Variants in SLC10A7 observed in about 807,000 individuals in gnomAD.
SLC10A7 encodes sodium/bile acid cotransporter 7.
SLC10A7 carries 29 observed loss-of-function variants against 43.2 expected under a neutral mutation model. That is an observed-to-expected ratio of 0.67 (90% CI 0.50 to 0.92). SLC10A7 has a LOEUF of 0.92. Among genes scored for constraint, SLC10A7 ranks in the 40% least tolerant of loss-of-function variants. The probability of loss-of-function intolerance (pLI) is 0.00; values close to 1 mark genes in which losing one functional copy is unlikely to be tolerated. For missense variants in SLC10A7, 295 were observed against 403.2 expected, an observed-to-expected ratio of 0.73 and a Z score of 2.30; for synonymous variants, 152 against 144.8, an observed-to-expected ratio of 1.05 and a Z score of -0.35.
At chr4:146,321,948 G>C (rs1263501625) in intron 6 of SLC10A7, among the ~76,000 whole-genome samples, 1 of 152,166 alleles carries the variant, frequency 6.6e-6, no homozygotes, top group Non-Finnish European at 1.5e-5. Flanking sequence ...AATACCATAA[G>C]TATCTAATGA....
At chr4:146,431,317 A>G (rs1447862297) in intron 5 of SLC10A7, among the ~76,000 whole-genome samples, 1 of 152,192 alleles carries the variant, frequency 6.6e-6, no homozygotes, top group Non-Finnish European at 1.5e-5. Flanking sequence ...AAAGCAACAA[A>G]CAGAAATTGA....
intron 4 of SLC10A7, among the ~76,000 whole-genome samples, chr4:146,479,552 G>C (rs1284304336): frequency 2.0e-5 from 3 of 152,104 alleles, no homozygotes; most frequent in African/African-American, 7.2e-5. Flanking sequence ...TTTATATGAG[G>C]TTTCTAGAAT....
intron 4 of SLC10A7, among the ~76,000 whole-genome samples, chr4:146,495,419 T>C (rs1319506902): frequency 6.6e-6 from 1 of 152,190 alleles, no homozygotes; most frequent in East Asian, 1.9e-4. Flanking sequence ...CTTATCTTAA[T>C]GCATTGGATT....
At chr4:146,451,244 A>AAAC (rs1553975826) in intron 4 of SLC10A7, among the ~76,000 whole-genome samples, 5 of 149,088 alleles carry the variant, frequency 3.4e-5, no homozygotes, top group South Asian at 4.2e-4. Context: ...AAAAAAAAAA[A>AAAC]AAAAAACAAA....
chr4:146,304,001 C>A (rs2149678682), intron 7 of SLC10A7, among the ~76,000 whole-genome samples: 1 of 151,346 alleles, frequency 6.6e-6, no homozygotes, highest in South Asian at 2.1e-4. Flanking sequence ...TTTCCTAAGA[C>A]TTGTTCACTT....
chr4:146,332,542 G>C (rs1292647260), intron 5 of SLC10A7, among the ~76,000 whole-genome samples: 1 of 152,118 alleles, frequency 6.6e-6, no homozygotes, highest in African/African-American at 2.4e-5. Context: ...CTTGCTCACT[G>C]TCTTGCTCTT....
intron 5 of SLC10A7, among the ~76,000 whole-genome samples, chr4:146,342,100 A>T (rs1315612643): frequency 6.6e-6 from 1 of 151,838 alleles, no homozygotes; most frequent in Non-Finnish European, 1.5e-5. Context: ...TCAAATTTAT[A>T]CAGTTTTCTT....
At chr4:146,326,823 AC>A in intron 5 of SLC10A7, among the ~76,000 whole-genome samples, 1 of 152,246 alleles carries the variant, frequency 6.6e-6, no homozygotes, top group South Asian at 2.1e-4. Context: ...ACCAGAAAAA[AC>A]ATTTCAGATT....
chr4:146,281,061 C>G (rs1297675280), intron 10 of SLC10A7, among the ~76,000 whole-genome samples: 2 of 152,118 alleles, frequency 1.3e-5, no homozygotes, highest in Non-Finnish European at 2.9e-5. Context: ...ACTGCAAAAG[C>G]AAACAGAAAT....
At chr4:146,476,572 G>T in intron 4 of SLC10A7, among the ~76,000 whole-genome samples, 1 of 152,046 alleles carries the variant, frequency 6.6e-6, no homozygotes, top group African/African-American at 2.4e-5. Context: ...GAGGAGAAAC[G>T]TAAACAGCAC....
At chr4:146,411,850 T>C (rs890607651) in intron 5 of SLC10A7, among the ~76,000 whole-genome samples, 2 of 152,132 alleles carry the variant, frequency 1.3e-5, no homozygotes, top group African/African-American at 4.8e-5. Flanking sequence ...GGAATAAAAC[T>C]TACATAATGA....
intron 3 of SLC10A7, among the ~76,000 whole-genome samples, chr4:146,508,626 A>G (rs1737149525): frequency 6.6e-6 from 1 of 152,076 alleles, no homozygotes; most frequent in African/African-American, 2.4e-5. Flanking sequence ...CTCCTTCTAC[A>G]TCCTCCTCAC....
chr4:146,385,905 T>A (rs2149796614), intron 5 of SLC10A7, among the ~76,000 whole-genome samples: 1 of 152,300 alleles, frequency 6.6e-6, no homozygotes, highest in African/African-American at 2.4e-5. Context: ...ACAAGCTAAA[T>A]CCATGTTGCT....
intron 5 of SLC10A7, among the ~76,000 whole-genome samples, chr4:146,400,306 T>C (rs1739140682): frequency 6.6e-6 from 1 of 152,086 alleles, no homozygotes; most frequent in South Asian, 2.1e-4. Context: ...GGAGGCTTAA[T>C]TAAATTGGGT....
At chr4:146,519,151 TAA>T (rs1468214825) in intron 1 of SLC10A7, among the ~76,000 whole-genome samples, 3 of 128,740 alleles carry the variant, frequency 2.3e-5, no homozygotes, top group African/African-American at 8.5e-5. Context: ...GTATATAACA[TAA>T]TATATAATAT....
At chr4:146,257,064 C>T in intron 11 of SLC10A7, 1 of 648,432 alleles carries the variant, frequency 1.5e-6, no homozygotes. Flanking sequence ...GATTAATTTG[C>T]TGTTCACTAT....
At chr4:146,407,177 G>C (rs1488213526) in intron 5 of SLC10A7, among the ~76,000 whole-genome samples, 1 of 152,162 alleles carries the variant, frequency 6.6e-6, no homozygotes, top group Non-Finnish European at 1.5e-5. Flanking sequence ...CCTGAGAAAA[G>C]TCAACTTTCC....
At chr4:146,270,028 G>A (rs1423908222) in intron 10 of SLC10A7, among the ~76,000 whole-genome samples, 3 of 152,110 alleles carry the variant, frequency 2.0e-5, no homozygotes, top group African/African-American at 7.2e-5. Context: ...CCTCAGAAGA[G>A]ATTTCTTCTA....
At chr4:146,286,917 T>G (rs72491774) in intron 9 of SLC10A7, among the ~76,000 whole-genome samples, 771 of 11,518 alleles carry the variant, frequency 0.067, no homozygotes, top group African/African-American at 0.24. Flanking sequence ...GGACTGAACT[T>G]GGAGAGTTGA....
Sources: allele counts gnomAD v4.1 joint callset (sites outside exome capture counted in the v4.1 genomes callset), GRCh38; gene constraint gnomAD v4.1.1; transcripts MANE v1.5; gene names NCBI Gene and HGNC (gene_info 2026-07-23, HGNC 2026-07-21).